CSMD3: variants seen among roughly 807,000 people sequenced by gnomAD.
CSMD3 encodes the protein CUB and sushi domain-containing protein 3.
A neutral mutation model predicts 435.2 loss-of-function variants in CSMD3; 177 were observed. The observed-to-expected ratio is 0.41, with a 90% CI of 0.36 to 0.46. CSMD3 has a LOEUF of 0.46. Ranked by LOEUF, CSMD3 falls within the 20% of genes least tolerant of loss-of-function variation. The probability of loss-of-function intolerance (pLI) is 0.34; values close to 1 mark genes in which losing one functional copy is unlikely to be tolerated. For missense variants in CSMD3, 4,265 were observed against 4,504.6 expected (o/e 0.95, Z 1.52); for synonymous variants, 1,656 against 1,520.5 (o/e 1.09, Z -2.07).
chr8:113,423,907 A>G (rs1315782514), intron 1 of CSMD3, among the ~76,000 whole-genome samples: 1 of 151,894 alleles, frequency 6.6e-6, no homozygotes, highest in Non-Finnish European at 1.5e-5. Context: ...ATTCACATAG[A>G]TATGGAAGTG....
intron 5 of CSMD3, among the ~76,000 whole-genome samples, chr8:113,082,071 T>C (rs952766724): frequency 1.3e-5 from 2 of 152,092 alleles, no homozygotes; most frequent in African/African-American, 4.8e-5. Flanking sequence ...TCCCAAGGAC[T>C]AGCCTGCTGG....
intron 50 of CSMD3, among the ~76,000 whole-genome samples, chr8:112,306,459 TG>T (rs1821430941): frequency 6.6e-6 from 1 of 152,198 alleles, no homozygotes; most frequent in Admixed American, 6.5e-5. Flanking sequence ...CTGGTGATCA[TG>T]TGCATGGTTA....
rs768567576 is a variant in CSMD3 at position 112,351,207 on chromosome 8, C to T, written c.6293G>A (p.Arg2098Lys). ...AATTGGGATTGGATAATTCCATCTTCTTACAGGTCCTGGCATACATGTAAT... is the reference window on the plus strand; with the variant it reads ...AATTGGGATTGGATAATTCCATCTTTTTACAGGTCCTGGCATACATGTAAT... ...SHITCMPGPV[R>K]RWNYPIPICL... is the part of the protein sequence containing the mutation. The change falls in exon 40 of 71, where the codon AGA becomes AAA. Residue 2098 changes from arginine to lysine, a missense_variant. By Grantham distance (26) the Arg-to-Lys change is conservative (BLOSUM62 2). Around this residue, in one of 3 missense-constraint regions of CSMD3, gnomAD observed 3,255 missense variants for 3,380.2 expected, o/e 0.96. Transcript: ENST00000297405. 2 of 1,609,066 alleles carry T rather than the reference C, an allele frequency of 1.2e-6. No individual in the cohort carries two copies. The highest frequency in any genetic ancestry group is 1.7e-6 in the Non-Finnish European group (2 of 1,175,898).
chr8:112,264,421 A>G (rs1816740463), intron 60 of CSMD3, among the ~76,000 whole-genome samples: 2 of 152,134 alleles, frequency 1.3e-5, no homozygotes, highest in Admixed American at 6.6e-5. Flanking sequence ...AGGTTGGATA[A>G]GATAGAGATG....
intron 17 of CSMD3, among the ~76,000 whole-genome samples, chr8:112,662,266 C>G (rs995721031): frequency 2.0e-5 from 3 of 152,262 alleles, no homozygotes; most frequent in African/African-American, 4.8e-5. Flanking sequence ...TACCTGACTT[C>G]GAACTATACT....
At position 112,688,460 on chromosome 8, in the gene CSMD3, G is replaced by A. The variant is rs762412143; in HGVS notation, c.2155+1408C>T. ...ACTTAGCTATATGTCAATACAATACGTCAAGTTCCCAGAAAAACTATGTTA... is the reference window on the plus strand; with the variant it reads ...ACTTAGCTATATGTCAATACAATACATCAAGTTCCCAGAAAAACTATGTTA... On this transcript the variant is annotated intron_variant, in intron 14 of 70. Transcript: ENST00000297405. Among the ~76,000 whole-genome samples the A allele has an allele frequency of 5.9e-5, 9 of 152,040 alleles. No homozygotes were observed. The South Asian group carries it at 6.2e-4, about 10-fold the overall frequency.
intron 55 of CSMD3, among the ~76,000 whole-genome samples, 163 bp from the exon 56 acceptor site, chr8:112,291,858 G>A (rs1320770849): frequency 1.3e-5 from 2 of 151,964 alleles, no homozygotes; most frequent in Non-Finnish European, 2.9e-5. Context: ...AAAATGGACT[G>A]ACATCTATGT....
At chr8:113,185,890 A>T (rs2092493399) in intron 3 of CSMD3, among the ~76,000 whole-genome samples, 1 of 152,008 alleles carries the variant, frequency 6.6e-6, no homozygotes, top group Non-Finnish European at 1.5e-5. Context: ...CTTCCCAGGG[A>T]TTCCAGCATC....
chr8:113,171,889 T>G (rs950207050), intron 4 of CSMD3, among the ~76,000 whole-genome samples: 4 of 152,294 alleles, frequency 2.6e-5, no homozygotes, highest in East Asian at 1.9e-4. Context: ...AAAGGATAAC[T>G]CTGCTTACAG....
intron 6 of CSMD3, among the ~76,000 whole-genome samples, chr8:113,013,909 CAT>C (rs1351798077): frequency 6.6e-6 from 1 of 152,080 alleles, no homozygotes; most frequent in Non-Finnish European, 1.5e-5. Context: ...CAGCTAGTCA[CAT>C]GTGTTTGTGT....
At chr8:112,357,506 T>C (rs1826735800) in intron 38 of CSMD3, among the ~76,000 whole-genome samples, 1 of 151,952 alleles carries the variant, frequency 6.6e-6, no homozygotes, top group Admixed American at 6.6e-5. Context: ...AGGAGTCGAA[T>C]GTTAATCCCC....
chr8:112,846,856 T>A (rs2080336947), intron 11 of CSMD3, among the ~76,000 whole-genome samples: 1 of 152,066 alleles, frequency 6.6e-6, no homozygotes, highest in Admixed American at 6.6e-5. Context: ...GGGTTAGGAA[T>A]AGTTAAGGTA....
intron 35 of CSMD3, among the ~76,000 whole-genome samples, chr8:112,405,692 T>A (rs960844329): frequency 4.6e-5 from 7 of 151,890 alleles, no homozygotes; most frequent in Non-Finnish European, 1.0e-4. Flanking sequence ...ACTGAAAAAA[T>A]TTATAATTTT....
At chr8:112,992,257 C>G (rs1268074228) in intron 6 of CSMD3, among the ~76,000 whole-genome samples, 1 of 151,464 alleles carries the variant, frequency 6.6e-6, no homozygotes, top group Non-Finnish European at 1.5e-5. Flanking sequence ...CTCCCTCTAT[C>G]TTTTTTTCTT....
At chr8:113,050,553 G>T (rs1255570947) in intron 5 of CSMD3, among the ~76,000 whole-genome samples, 1 of 151,930 alleles carries the variant, frequency 6.6e-6, no homozygotes, top group African/African-American at 2.4e-5. Context: ...ATGATATAAA[G>T]ATCACACATG....
chr8:113,302,696 G>A (rs2093782971), intron 2 of CSMD3, among the ~76,000 whole-genome samples: 1 of 151,088 alleles, frequency 6.6e-6, no homozygotes, highest in Admixed American at 6.6e-5. Flanking sequence ...AAAAGCCTTT[G>A]ACAAAATTCA....
At chr8:112,554,626 C>T (rs1827962448) in intron 25 of CSMD3, among the ~76,000 whole-genome samples, 1 of 151,770 alleles carries the variant, frequency 6.6e-6, no homozygotes, top group Non-Finnish European at 1.5e-5. Context: ...CCCCATATTT[C>T]TTTGTTATAA....
chr8:112,318,534 G>T (rs893798412), intron 47 of CSMD3, among the ~76,000 whole-genome samples: 1 of 151,948 alleles, frequency 6.6e-6, no homozygotes, highest in South Asian at 2.1e-4. Flanking sequence ...TTTATTTAAA[G>T]TGATTTCCCT....
intron 1 of CSMD3, among the ~76,000 whole-genome samples, chr8:113,427,081 TAAC>T (rs1332260057): frequency 1.3e-5 from 2 of 151,368 alleles, no homozygotes; most frequent in Non-Finnish European, 3.0e-5. Context: ...TCTGAAAATA[TAAC>T]AACAAATAAA....
Sources: gnomAD v4.1 joint callset for allele counts (sites outside exome capture counted in the v4.1 genomes callset) on GRCh38, gnomAD v4.1.1 for gene constraint, gnomAD v4.1.1 regional missense constraint, MANE v1.5 for transcripts, NCBI Gene and HGNC (gene_info 2026-07-23, HGNC 2026-07-21) for gene names.